CFAP97: variants seen among roughly 807,000 people sequenced by gnomAD.
CFAP97 encodes the protein cilia- and flagella-associated protein 97.
CFAP97 carries 36 observed loss-of-function variants against 43.1 expected under a neutral mutation model. The ratio of observed to expected loss-of-function variants is 0.84; its 90% CI spans 0.64 to 1.10. CFAP97 has a LOEUF of 1.10. CFAP97 is among the 50% of genes least tolerant of loss of function. The probability of loss-of-function intolerance (pLI) is 0.00; values close to 1 mark genes in which losing one functional copy is unlikely to be tolerated. For synonymous variants in CFAP97, 228 were observed against 225.7 expected (o/e 1.01, Z -0.09); for missense variants, 657 against 620.3 (o/e 1.06, Z -0.63).
chr4:185,205,346 C>A (rs1372478987), upstream of CFAP97, among the ~76,000 whole-genome samples: 1 of 151,820 alleles, frequency 6.6e-6, no homozygotes, highest in Non-Finnish European at 1.5e-5. Flanking sequence ...CCCAGCTACT[C>A]GGAAGGCTGA....
At chr4:185,180,547 T>A (rs1272842294) in intron 2 of CFAP97, among the ~76,000 whole-genome samples, 1 of 152,160 alleles carries the variant, frequency 6.6e-6, no homozygotes, top group Non-Finnish European at 1.5e-5. Context: ...CTTAGCATAA[T>A]GTCCTCACGG....
At chr4:185,181,435 C>T (rs1735784138) in intron 2 of CFAP97, among the ~76,000 whole-genome samples, 1 of 149,062 alleles carries the variant, frequency 6.7e-6, no homozygotes, top group Non-Finnish European at 1.5e-5. Flanking sequence ...AAGCCATTCT[C>T]CTGCCTCAGC....
chr4:185,178,713 C>T (rs563759129), intron 2 of CFAP97, among the ~76,000 whole-genome samples: 2 of 152,196 alleles, frequency 1.3e-5, no homozygotes, highest in Admixed American at 6.5e-5. Context: ...AAGTGCCTAA[C>T]CATGGCACAG....
upstream of CFAP97, chr4:185,210,042 C>T (rs1179950061): frequency 6.1e-6 from 6 of 984,010 alleles, no homozygotes; most frequent in African/African-American, 1.8e-5. The surrounding 1 kb of genome is among the most constrained non-coding windows in gnomAD (Gnocchi z 4.4). Flanking sequence ...TGGCCCTCTC[C>T]TTCCTGGGGC....
rs779370531 is a variant in CFAP97 at position 185,190,307 on chromosome 4, T to A, written c.890A>T (p.Asp297Val). The A allele has an allele frequency of 4.5e-5, 72 of 1,606,068 alleles. No homozygotes were observed. Among genetic ancestry groups the A allele is most frequent in the Non-Finnish European group, 5.6e-5 (66 of 1,175,438 alleles). The change falls in exon 2 of 5, where the codon GAT (aspartate) becomes GTT (valine). Residue 297 changes from aspartate (D) to valine (V), a missense_variant. Asp to Val is a radical substitution (Grantham distance 152). Transcript: ENST00000458385. ...VSQEIYEDVE[D>V]LKNNSKYLKA... ...CAAATATTTTGAATTATTTTTCAAA[T>A]CCTCAACATCTTCATATATTTCTTG...
intron 3 of CFAP97, among the ~76,000 whole-genome samples, chr4:185,174,376 A>G (rs1167866721): frequency 6.6e-6 from 1 of 152,214 alleles, no homozygotes; most frequent in African/African-American, 2.4e-5. Context: ...TAGCTTAGTT[A>G]TCTGTTCCTT....
upstream of CFAP97, chr4:185,209,631 C>A: frequency 6.4e-6 from 4 of 621,542 alleles, no homozygotes; most frequent in Non-Finnish European, 8.0e-6. The surrounding 1 kb of genome is among the most constrained non-coding windows in gnomAD (Gnocchi z 5.2). Flanking sequence ...TGGCTGCGCC[C>A]GGCCCGGCAG....
chr4:185,180,018 T>A (rs1425151670), intron 2 of CFAP97, among the ~76,000 whole-genome samples: 4 of 152,322 alleles, frequency 2.6e-5, no homozygotes, highest in African/African-American at 9.6e-5. Flanking sequence ...TTTAGTGATG[T>A]TCACATCTTG....
chr4:185,185,555 C>T (rs1225924413), intron 2 of CFAP97, among the ~76,000 whole-genome samples: 2 of 151,308 alleles, frequency 1.3e-5, no homozygotes, highest in African/African-American at 4.9e-5. Context: ...TTGACAGCTT[C>T]TCAAGAGCTT....
upstream of CFAP97, among the ~76,000 whole-genome samples, chr4:185,205,451 CT>C (rs1354338154): frequency 2.1e-4 from 31 of 146,212 alleles, no homozygotes; most frequent in Admixed American, 2.1e-3. Context: ...AAGACTGTGT[CT>C]CAAAAAAAAA....
chr4:185,184,476 C>T (rs927848510), intron 2 of CFAP97, among the ~76,000 whole-genome samples: 2 of 152,084 alleles, frequency 1.3e-5, no homozygotes, highest in Non-Finnish European at 2.9e-5. Flanking sequence ...TCCTCCATTC[C>T]AAGAGTCAGA....
upstream of CFAP97, among the ~76,000 whole-genome samples, chr4:185,207,210 CTTTTTTTTTTT>C (rs34373262): frequency 1.2e-3 from 89 of 76,850 alleles, 1 homozygote; most frequent in African/African-American, 3.9e-3. Flanking sequence ...ACCAGTCACA[CTTTTTTTTTTT>C]TTTTTTTTTT....
chr4:185,207,338 T>G (rs1297513856), upstream of CFAP97, among the ~76,000 whole-genome samples: 1 of 144,710 alleles, frequency 6.9e-6, no homozygotes, highest in Non-Finnish European at 1.5e-5. Flanking sequence ...TGCCTCAGCC[T>G]CCCGAGTAGC....
upstream of CFAP97, chr4:185,210,177 C>T (rs1737508630): frequency 9.1e-6 from 9 of 985,010 alleles, no homozygotes; most frequent in Non-Finnish European, 9.6e-6. This position sits in a 1 kb window ranked among gnomAD's most constrained non-coding sequence, Gnocchi z 4.4. Flanking sequence ...TCTGCCGGAG[C>T]CCGCGCGCCC....
chr4:185,190,084 A>G, intron 2 of CFAP97, 59 bp downstream of exon 2: 1 of 1,318,912 alleles, frequency 7.6e-7, no homozygotes, highest in Non-Finnish European at 1.0e-6. Context: ...ATAGCATTTA[A>G]TATTTATGCC....
At chr4:185,202,800 CAG>C (rs1736937937) in intron 1 of CFAP97, among the ~76,000 whole-genome samples, 1 of 152,172 alleles carries the variant, frequency 6.6e-6, no homozygotes, top group African/African-American at 2.4e-5. Flanking sequence ...TAATATCCAA[CAG>C]AGTTACTGTA....
chr4:185,206,125 G>GAATT (rs1327965667), upstream of CFAP97, among the ~76,000 whole-genome samples: 1 of 152,178 alleles, frequency 6.6e-6, no homozygotes, highest in Non-Finnish European at 1.5e-5. Context: ...CTTGAACATA[G>GAATT]AATTATATGA....
At position 185,202,879 on chromosome 4, in the gene CFAP97, A is replaced by G. The variant is rs1372191123; in HGVS notation, c.-17+1019T>C. On this transcript the variant is annotated intron_variant, in intron 1 of 4. Coordinates refer to ENST00000458385, the MANE Select transcript of CFAP97 (RefSeq NM_020827.3). ...ACCCAACAATCCCATCCACTGAGCA[A>G]TTCTTTTGATAACATTTACTACGAG... 2.6e-5 allele frequency among the ~76,000 whole-genome samples: 4 copies of G among 152,250 alleles called. No homozygotes were observed. In the South Asian group the frequency reaches 6.2e-4, roughly 24 times the overall value.
At chr4:185,205,906 C>G (rs1579283479), upstream of CFAP97, among the ~76,000 whole-genome samples, 1 of 152,000 alleles carries the variant, frequency 6.6e-6, no homozygotes. Flanking sequence ...GAAAATATAC[C>G]AATGGCCAAT....
Sources: allele counts gnomAD v4.1 joint callset (sites outside exome capture counted in the v4.1 genomes callset), GRCh38; gene constraint gnomAD v4.1.1; non-coding constraint Gnocchi (gnomAD v3.1); transcripts MANE v1.5; gene names NCBI Gene and HGNC (gene_info 2026-07-23, HGNC 2026-07-21).